The following ROCK1 variants were observed in gnomAD, a reference collection of about 807,000 sequenced individuals.
ROCK1 encodes the protein rho-associated protein kinase 1.
A neutral mutation model predicts 196.8 loss-of-function variants in ROCK1; 36 were observed. The ratio of observed to expected loss-of-function variants is 0.18; its 90% CI spans 0.14 to 0.24. The LOEUF is 0.24. ROCK1 is among the 10% of genes least tolerant of loss of function. ROCK1 has a pLI of 1.00. For missense variants in ROCK1, 920 were observed against 1,562.0 expected (o/e 0.59, Z 6.93); for synonymous variants, 443 against 515.9 (o/e 0.86, Z 1.91).
chr18:21,006,246 T>C, intron 16 of ROCK1, 105 bp downstream of exon 16: 1 of 849,794 alleles, frequency 1.2e-6, no homozygotes, highest in East Asian at 2.7e-5. Flanking sequence ...TTGCATACAT[T>C]GTGAACTGCA....
chr18:21,002,255 G>A (rs1320905634), intron 16 of ROCK1, among the ~76,000 whole-genome samples: 1 of 152,088 alleles, frequency 6.6e-6, no homozygotes, highest in Non-Finnish European at 1.5e-5. Flanking sequence ...TTTCAGGTCT[G>A]GGACAAAAAA....
rs1176433427 is a variant in ROCK1, at chr18:20,959,037, T to TAAAAA, written c.3512+802_3512+803insTTTTT. ...TAATATATATAATATATATATTTTA[T>TAAAAA]ATAATATATAATATATATATTATAT... On this transcript the variant is annotated intron_variant, in intron 29 of 32. Coordinates refer to ENST00000399799, the MANE Select transcript of ROCK1 (RefSeq NM_005406.3). Among the ~76,000 whole-genome samples the TAAAAA allele has an allele frequency of 7.0e-3, 408 of 58,062 alleles. 20 individuals carry two copies. The highest frequency in any genetic ancestry group is 0.047 in the African/African-American group (347 of 7,396). 38.1% of individuals were successfully genotyped at this position (58,062 alleles called of 152,430 possible).
intron 19 of ROCK1, among the ~76,000 whole-genome samples, chr18:20,985,961 G>A (rs1425943266): frequency 1.3e-5 from 2 of 152,042 alleles, no homozygotes; most frequent in Non-Finnish European, 2.9e-5. Context: ...GAGGTGCAAG[G>A]AATCCTCCCA....
At chr18:21,080,264 C>T (rs1419357480) in intron 1 of ROCK1, among the ~76,000 whole-genome samples, 1 of 152,034 alleles carries the variant, frequency 6.6e-6, no homozygotes, top group African/African-American at 2.4e-5. Flanking sequence ...AACAGAAAAA[C>T]ACGGCTGGGA....
chr18:21,006,634 C>T, intron 15 of ROCK1, 37 bp from the exon 16 acceptor site: 2 of 1,599,916 alleles, frequency 1.3e-6, no homozygotes, highest in South Asian at 1.1e-5. Flanking sequence ...GGTTTCTGAC[C>T]AAAGTACGAT....
chr18:21,102,157 C>T (rs1018486717), intron 1 of ROCK1, among the ~76,000 whole-genome samples: 8 of 152,192 alleles, frequency 5.3e-5, no homozygotes, highest in Admixed American at 2.0e-4. Context: ...GAATCCACAT[C>T]TCATGCAAAT....
In ROCK1 at chr18:21,105,883, AGATAAGTAT is replaced by A. The variant is rs1229297318; in HGVS notation, c.93+4926_93+4934del. Among the ~76,000 whole-genome samples, 7 of 152,366 alleles carry A rather than the reference AGATAAGTAT, an allele frequency of 4.6e-5. No homozygotes were observed. In the East Asian group the frequency reaches 1.2e-3, roughly 25 times the overall value. On this transcript the variant is annotated intron_variant, in intron 1 of 32. Coordinates refer to ENST00000399799, the MANE Select transcript of ROCK1 (RefSeq NM_005406.3). Reference sequence around the variant, plus strand: ...GAATTCTTCAAGAGAGTGAAGACAAAGATAAGTATGATAGGCCAAAGATTGAGGAAAAGA... The same window carrying A: ...GAATTCTTCAAGAGAGTGAAGACAAAGATAGGCCAAAGATTGAGGAAAAGA...
intron 10 of ROCK1, 47 bp from the exon 11 acceptor site, chr18:21,023,727 T>C (rs1205964963): frequency 2.0e-6 from 2 of 1,021,924 alleles, no homozygotes; most frequent in Non-Finnish European, 2.9e-6. Context: ...AAAAACTCTG[T>C]AATATCCCAT....
intron 12 of ROCK1, among the ~76,000 whole-genome samples, chr18:21,016,033 AT>A (rs901886906): frequency 3.7e-4 from 56 of 152,260 alleles, no homozygotes; most frequent in Admixed American, 7.2e-4. Flanking sequence ...CTTTAAAAAA[AT>A]ATGTGTAATT....
chr18:20,979,991 G>A lies in ROCK1; in HGVS notation c.2573C>T (p.Thr858Ile). The change falls in exon 22 of 33, where the codon ACC becomes ATC. Residue 858 changes from threonine (T) to isoleucine (I), a missense_variant. By Grantham distance (89) the Thr-to-Ile change is moderately conservative. This residue lies in a region of ROCK1 where 520 missense variants were observed against 657.1 expected (regional missense o/e 0.79). Transcript: ENST00000399799. ...AEQYFSTLYK[T>I]QVKELKEEIE... ...TTCTTCTTTAAGTTCCTTTACCTGG[G>A]TTTTATAAAGTGTCTGCAAAACAAG... 6.5e-7 allele frequency: 1 copy of A among 1,548,922 alleles called. No homozygotes were observed. Among genetic ancestry groups the A allele is most frequent in the Non-Finnish European group, 8.7e-7 (1 of 1,146,510 alleles).
chr18:21,013,491 G>C (rs1223236966), intron 13 of ROCK1, among the ~76,000 whole-genome samples: 1 of 152,230 alleles, frequency 6.6e-6, no homozygotes, highest in Non-Finnish European at 1.5e-5. Flanking sequence ...GTTATTTTCA[G>C]TGGAAAGTTC....
chr18:20,984,219 A>AC, intron 20 of ROCK1, 132 bp downstream of exon 20: 1 of 666,786 alleles, frequency 1.5e-6, no homozygotes, highest in Admixed American at 3.7e-5. Flanking sequence ...AAATTCTTTT[A>AC]CTTCTAAATA....
At chr18:20,994,412 T>C (rs867591957) in intron 16 of ROCK1, among the ~76,000 whole-genome samples, 1 of 152,134 alleles carries the variant, frequency 6.6e-6, no homozygotes, top group East Asian at 1.9e-4. Context: ...GGCAGGCAGA[T>C]TGCCTGAGCT....
chr18:20,986,895 T>C, intron 19 of ROCK1, 55 bp downstream of exon 19: 1 of 1,451,742 alleles, frequency 6.9e-7, no homozygotes, highest in Non-Finnish European at 9.4e-7. Context: ...CAGTCATAAC[T>C]TATATAACCG....
intron 1 of ROCK1, among the ~76,000 whole-genome samples, chr18:21,099,501 T>C (rs1481524875): frequency 6.6e-6 from 1 of 152,068 alleles, no homozygotes; most frequent in Non-Finnish European, 1.5e-5. Flanking sequence ...CCCAACACTT[T>C]GGGGGGTTGT....
chr18:20,951,659 T>C (rs2035189142), intron 32 of ROCK1, among the ~76,000 whole-genome samples: 1 of 152,208 alleles, frequency 6.6e-6, no homozygotes, highest in Admixed American at 6.5e-5. Context: ...CATAGCATTC[T>C]ACAGAATTAA....
intron 1 of ROCK1, among the ~76,000 whole-genome samples, chr18:21,093,482 T>A (rs188558396): frequency 5.3e-5 from 8 of 152,288 alleles, no homozygotes; most frequent in Non-Finnish European, 1.2e-4. Flanking sequence ...ATTTTACAGA[T>A]TGAGAAAACT....
At chr18:20,979,738 T>G (rs1451647508) in intron 22 of ROCK1, among the ~76,000 whole-genome samples, 172 bp downstream of exon 22, 1 of 151,942 alleles carries the variant, frequency 6.6e-6, no homozygotes, top group Non-Finnish European at 1.5e-5. Context: ...TATAGCACTG[T>G]TTTTTTCACC....
intron 29 of ROCK1, among the ~76,000 whole-genome samples, chr18:20,957,638 G>A (rs1446053124): frequency 3.3e-5 from 5 of 151,882 alleles, no homozygotes; most frequent in South Asian, 2.1e-4. Flanking sequence ...CTGCCACCAC[G>A]CCCAGCTAAT....
Sources: allele counts gnomAD v4.1 joint callset (sites outside exome capture counted in the v4.1 genomes callset), GRCh38; gene constraint gnomAD v4.1.1; regional missense constraint gnomAD v4.1.1; transcripts MANE v1.5; gene names NCBI Gene and HGNC (gene_info 2026-07-23, HGNC 2026-07-21).